IGF1R: variants seen among roughly 807,000 people sequenced by gnomAD.
IGF1R encodes the protein insulin-like growth factor 1 receptor.
Under a neutral mutation model 144.6 loss-of-function variants are expected in IGF1R, and 44 were observed. The observed-to-expected ratio is 0.30, with a 90% confidence interval of 0.24 to 0.39. The LOEUF is 0.39. IGF1R is among the 10% of genes least tolerant of loss of function. The pLI is 1.00. For missense variants in IGF1R, 1,355 were observed against 1,833.7 expected, an observed-to-expected ratio of 0.74 and a Z score of 4.77; for synonymous variants, 795 against 722.8, an observed-to-expected ratio of 1.10 and a Z score of -1.60.
chr15:98,887,290 T>C (rs2141646634), intron 2 of IGF1R, among the ~76,000 whole-genome samples: 1 of 151,900 alleles, frequency 6.6e-6, no homozygotes, highest in Non-Finnish European at 1.5e-5. Context: ...GTGTGGGAAA[T>C]GCGGAATATA....
intron 1 of IGF1R, among the ~76,000 whole-genome samples, chr15:98,655,216 C>G (rs996479545): frequency 6.6e-6 from 1 of 152,154 alleles, no homozygotes; most frequent in Non-Finnish European, 1.5e-5. Context: ...AGATTGTTAT[C>G]TCAAGAGAAG....
chr15:98,816,897 G>A (rs776349985), intron 2 of IGF1R, among the ~76,000 whole-genome samples: 20 of 152,154 alleles, frequency 1.3e-4, no homozygotes, highest in Non-Finnish European at 1.8e-4. Flanking sequence ...ATAAATGCCC[G>A]GTTGTATGGA....
chr15:98,856,315 T>C (rs1363335922), intron 2 of IGF1R, among the ~76,000 whole-genome samples: 1 of 152,226 alleles, frequency 6.6e-6, no homozygotes, highest in Non-Finnish European at 1.5e-5. Context: ...GCATCGTCCA[T>C]AGTCTTCACC....
chr15:98,671,606 A>G (rs755332365), intron 1 of IGF1R, among the ~76,000 whole-genome samples: 1 of 152,324 alleles, frequency 6.6e-6, no homozygotes, highest in Non-Finnish European at 1.5e-5. Flanking sequence ...AAAATAATGC[A>G]AAATGCCTAA....
At chr15:98,861,134 C>A (rs2141583627) in intron 2 of IGF1R, among the ~76,000 whole-genome samples, 1 of 151,246 alleles carries the variant, frequency 6.6e-6, no homozygotes, top group East Asian at 2.0e-4. Flanking sequence ...GAATGTAACT[C>A]ATTTACCCAC....
At chr15:98,946,201 G>T (rs928346392) in intron 19 of IGF1R, among the ~76,000 whole-genome samples, 4 of 151,710 alleles carry the variant, frequency 2.6e-5, no homozygotes, top group Non-Finnish European at 5.9e-5. Context: ...AGCGGGGCGG[G>T]GCGGGGCAGG....
chr15:98,832,886 C>A (rs779514279), intron 2 of IGF1R, among the ~76,000 whole-genome samples: 22 of 152,156 alleles, frequency 1.4e-4, no homozygotes, highest in Admixed American at 6.5e-4. Flanking sequence ...GTAAATAGTA[C>A]GTTACCAGCT....
At chr15:98,681,415 T>G (rs989372351) in intron 1 of IGF1R, among the ~76,000 whole-genome samples, 3 of 152,156 alleles carry the variant, frequency 2.0e-5, no homozygotes, top group African/African-American at 7.2e-5. Context: ...GTGCAATGGG[T>G]GCAGGTAATG....
At chr15:98,678,645 C>T (rs960427048) in intron 1 of IGF1R, among the ~76,000 whole-genome samples, 5 of 148,622 alleles carry the variant, frequency 3.4e-5, no homozygotes, top group African/African-American at 5.0e-5. Flanking sequence ...CCCTGGTAGC[C>T]GGGACCACAG....
At chr15:98,711,334 T>C (rs2053987510) in intron 2 of IGF1R, among the ~76,000 whole-genome samples, 1 of 152,078 alleles carries the variant, frequency 6.6e-6, no homozygotes, top group African/African-American at 2.4e-5. Flanking sequence ...ACGTCAAGGG[T>C]GTGTGTGAAA....
At position 98,919,280 on chromosome 15, in the gene IGF1R, A is replaced by G. The variant is rs182200816; in HGVS notation, c.2201+2404A>G. On this transcript the variant is annotated intron_variant, in intron 10 of 20. Transcript: ENST00000650285. ...GACCAGCAGAGGCTTAGCTCGTGGC[A>G]GCTCCTGCTGCCCGCCACACGGAAG... 8.3e-3 allele frequency among the ~76,000 whole-genome samples: 1,260 copies of G among 152,096 alleles called. 10 individuals are homozygous for G. The highest frequency in any genetic ancestry group is 0.012 in the Non-Finnish European group (841 of 67,982).
intron 2 of IGF1R, among the ~76,000 whole-genome samples, chr15:98,763,345 T>C (rs1253462119): frequency 1.3e-5 from 2 of 152,238 alleles, no homozygotes; most frequent in Non-Finnish European, 2.9e-5. Flanking sequence ...TTTTTGGTGT[T>C]GTACTTCAGG....
At chr15:98,659,832 A>C (rs140672574) in intron 1 of IGF1R, among the ~76,000 whole-genome samples, 195 of 152,316 alleles carry the variant, frequency 1.3e-3, no homozygotes, top group African/African-American at 4.5e-3. Context: ...CTATTTAAAC[A>C]GGTAGTAACA....
chr15:98,956,665 T>C (rs1199590853), intron 20 of IGF1R, among the ~76,000 whole-genome samples: 1 of 152,190 alleles, frequency 6.6e-6, no homozygotes, highest in East Asian at 1.9e-4. Context: ...TTCCTGCTAA[T>C]TCTGGAAAGG....
intron 2 of IGF1R, among the ~76,000 whole-genome samples, chr15:98,854,835 C>T (rs2011706127): frequency 6.6e-6 from 1 of 152,178 alleles, no homozygotes; most frequent in African/African-American, 2.4e-5. Flanking sequence ...CTGGTTCCCC[C>T]TTTCCTGCAT....
intron 2 of IGF1R, among the ~76,000 whole-genome samples, chr15:98,793,379 G>C (rs1432084203): frequency 2.0e-5 from 3 of 152,224 alleles, no homozygotes; most frequent in South Asian, 4.1e-4. Context: ...GTTGTATCAG[G>C]GTTTATGAGG....
chr15:98,658,530 A>T (rs2052534498), intron 1 of IGF1R, among the ~76,000 whole-genome samples: 1 of 152,228 alleles, frequency 6.6e-6, no homozygotes, highest in Non-Finnish European at 1.5e-5. Flanking sequence ...TTTAAATTGA[A>T]ATAATTTCCA....
At chr15:98,863,058 T>C (rs948740459) in intron 2 of IGF1R, among the ~76,000 whole-genome samples, 16 of 152,256 alleles carry the variant, frequency 1.1e-4, no homozygotes, top group African/African-American at 3.9e-4. Context: ...ATTTATTGTG[T>C]TCAGTTTTTC....
At chr15:98,771,137 G>A (rs1314043276) in intron 2 of IGF1R, among the ~76,000 whole-genome samples, 1 of 152,154 alleles carries the variant, frequency 6.6e-6, no homozygotes, top group African/African-American at 2.4e-5. Flanking sequence ...CGGAGGGGGA[G>A]TCAGTTGTGG....
Sources: gnomAD v4.1 joint callset for allele counts (sites outside exome capture counted in the v4.1 genomes callset) on GRCh38, gnomAD v4.1.1 for gene constraint, MANE v1.5 for transcripts, NCBI Gene and HGNC (gene_info 2026-07-23, HGNC 2026-07-21) for gene names.